The following SGK3 variants were observed in gnomAD, a reference collection of about 807,000 sequenced individuals.
SGK3 encodes serine/threonine-protein kinase Sgk3.
A neutral mutation model predicts 68.5 loss-of-function variants in SGK3; 47 were observed. The observed-to-expected ratio is 0.69, with a 90% confidence interval of 0.54 to 0.87. SGK3 has a LOEUF of 0.87. Ranked by LOEUF, SGK3 falls within the 40% of genes least tolerant of loss-of-function variation. The pLI is 0.00. For synonymous variants in SGK3, 181 were observed against 189.1 expected (o/e 0.96, Z 0.35); for missense variants, 479 against 575.5 (o/e 0.83, Z 1.72).
chr8:66,831,670 A>G (rs1809305469), intron 8 of SGK3, among the ~76,000 whole-genome samples: 1 of 152,220 alleles, frequency 6.6e-6, no homozygotes, highest in African/African-American at 2.4e-5. Flanking sequence ...TTCAGTAAAT[A>G]AGTACTTAAG....
chr8:66,857,192 G>A (rs1056975198), intron 16 of SGK3, among the ~76,000 whole-genome samples: 6 of 152,190 alleles, frequency 3.9e-5, no homozygotes, highest in East Asian at 1.9e-4. Context: ...CCATACATAC[G>A]TACATACATA....
chr8:66,769,594 T>C (rs1464648810), intron 1 of SGK3, among the ~76,000 whole-genome samples: 1 of 152,256 alleles, frequency 6.6e-6, no homozygotes, highest in Admixed American at 6.5e-5. Flanking sequence ...TCTTTTCTTC[T>C]GTAATGTCTA....
At chr8:66,833,564 A>C (rs1248798728) in intron 8 of SGK3, among the ~76,000 whole-genome samples, 1 of 152,092 alleles carries the variant, frequency 6.6e-6, no homozygotes, top group Non-Finnish European at 1.5e-5. Context: ...GATGGCATTG[A>C]CTCTGTAGAT....
At chr8:66,756,047 A>C (rs1390515683) in intron 1 of SGK3, among the ~76,000 whole-genome samples, 19 of 152,170 alleles carry the variant, frequency 1.2e-4, no homozygotes, top group Admixed American at 1.2e-3. Context: ...ATCTTTAAAG[A>C]GGTAATAAAG....
chr8:66,746,392 G>C (rs1409637760), intron 1 of SGK3, among the ~76,000 whole-genome samples: 1 of 152,050 alleles, frequency 6.6e-6, no homozygotes, highest in Admixed American at 6.6e-5. Context: ...CCTTTCAACT[G>C]ACCAGTTTCT....
intron 1 of SGK3, among the ~76,000 whole-genome samples, chr8:66,726,051 T>C (rs1804976043): frequency 6.6e-6 from 1 of 152,192 alleles, no homozygotes; most frequent in African/African-American, 2.4e-5. Flanking sequence ...AGTATTTAGA[T>C]AATTGCGCCC....
intron 1 of SGK3, among the ~76,000 whole-genome samples, chr8:66,751,957 G>T (rs954587263): frequency 5.3e-5 from 8 of 152,144 alleles, no homozygotes; most frequent in Non-Finnish European, 1.0e-4. Context: ...TAGAGATGGG[G>T]TTTCTCCATG....
intron 1 of SGK3, among the ~76,000 whole-genome samples, chr8:66,737,010 T>A (rs1805336893): frequency 6.6e-6 from 1 of 151,986 alleles, no homozygotes; most frequent in Admixed American, 6.6e-5. Flanking sequence ...ACCCCTGGGT[T>A]CAAGGGCTCC....
At chr8:66,755,429 CATG>C (rs1805947741) in intron 1 of SGK3, among the ~76,000 whole-genome samples, 3 of 152,172 alleles carry the variant, frequency 2.0e-5, no homozygotes. Flanking sequence ...CAACCTGTCG[CATG>C]ATGTCAGGTG....
At position 66,840,119 on chromosome 8, in the gene SGK3, C is replaced by T. The variant is rs1249885082; in HGVS notation, c.854+4C>T. On this transcript the variant is annotated splice_donor_region_variant and intron_variant, in intron 11 of 16. Transcript: ENST00000521198. ...ATTCCATCAAAATAGTATACAGGTA[C>T]AATTTTAAAATATACTTGTAAAAAT... is the stretch of plus-strand genomic sequence containing the variant. The T allele has an allele frequency of 2.5e-6, 4 of 1,610,082 alleles. No homozygotes were observed. In the Admixed American group the frequency reaches 6.8e-5, roughly 27 times the overall value.
At chr8:66,731,140 G>A (rs1805139424) in intron 1 of SGK3, among the ~76,000 whole-genome samples, 1 of 152,114 alleles carries the variant, frequency 6.6e-6, no homozygotes, top group African/African-American at 2.4e-5. Flanking sequence ...AACACACTTT[G>A]TATGATTTTT....
At chr8:66,784,367 G>A (rs1017183757) in intron 1 of SGK3, among the ~76,000 whole-genome samples, 7 of 152,090 alleles carry the variant, frequency 4.6e-5, no homozygotes, top group Admixed American at 3.3e-4. Flanking sequence ...GGACACGTTT[G>A]TTTTTATTTC....
rs557499095 is a variant in SGK3 at position 66,846,471 on chromosome 8, T to A, written c.1075-722T>A. Among the ~76,000 whole-genome samples, 7 of 152,260 alleles carry A rather than the reference T, an allele frequency of 4.6e-5. No individual in the cohort carries two copies. In the South Asian group the frequency reaches 1.5e-3, roughly 32 times the overall value. On this transcript the variant is annotated intron_variant, in intron 14 of 16. Transcript: ENST00000521198. ...ATGAGACTACTGGCGTACACCACCA[T>A]GCCCAGCTGGTTTTTTATTTTTTCA...
At chr8:66,787,181 A>G (rs1807243989) in intron 1 of SGK3, among the ~76,000 whole-genome samples, 1 of 151,738 alleles carries the variant, frequency 6.6e-6, no homozygotes, top group Non-Finnish European at 1.5e-5. Context: ...TGACCTCATG[A>G]CCTGCCCTCC....
At chr8:66,850,780 A>G (rs747953156) in intron 15 of SGK3, 51 bp from the exon 16 acceptor site, 28 of 1,524,298 alleles carry the variant, frequency 1.8e-5, no homozygotes, top group Non-Finnish European at 2.5e-5. Context: ...TGCAGTTAGT[A>G]CTTAATATAT....
rs1207451327 is a variant in SGK3, at chr8:66,831,352, G to A, written c.525+41G>A. 1.1e-5 allele frequency: 17 copies of A among 1,607,626 alleles called. No homozygotes were observed. In the South Asian group the frequency reaches 1.3e-4, roughly 13 times the overall value. On this transcript the variant is annotated intron_variant, in intron 8 of 16. Transcript: ENST00000521198. ...GAGGTTTTTATTTGGTTTTGGTTTT[G>A]GTTTTTTTTTTGGAGACAGGGTCTC...
At chr8:66,815,686 A>G (rs141945648) in intron 5 of SGK3, among the ~76,000 whole-genome samples, 11 of 152,326 alleles carry the variant, frequency 7.2e-5, no homozygotes, top group African/African-American at 2.6e-4. Context: ...TAAGTATGCA[A>G]TAAATGGTAG....
intron 13 of SGK3, among the ~76,000 whole-genome samples, chr8:66,842,276 A>G (rs1809828135): frequency 6.9e-6 from 1 of 144,702 alleles, no homozygotes. Flanking sequence ...GCTGGAGTGC[A>G]GTGGCGCAAT....
At chr8:66,726,801 T>TAAAAAAAAAAAAAAAAAAAAAAA (rs560794837) in intron 1 of SGK3, among the ~76,000 whole-genome samples, 19 of 80,962 alleles carry the variant, frequency 2.3e-4, no homozygotes, top group African/African-American at 6.4e-4. Context: ...ACCCTGTCTG[T>TAAAAAAAAAAAAAAAAAAAAAAA]AAAAAAAAAA....
Sources: allele counts gnomAD v4.1 joint callset (sites outside exome capture counted in the v4.1 genomes callset), GRCh38; gene constraint gnomAD v4.1.1; transcripts MANE v1.5; gene names NCBI Gene and HGNC (gene_info 2026-07-23, HGNC 2026-07-21).